FTCDNL1: variants seen among roughly 807,000 people sequenced by gnomAD.
The protein encoded by FTCDNL1 is formiminotransferase N-terminal subdomain-containing protein.
A neutral mutation model predicts 5.9 loss-of-function variants in FTCDNL1; 11 were observed. The observed-to-expected ratio is 1.87, with a 90% confidence interval of 1.18 to 3.10. FTCDNL1 has a LOEUF of 3.10. FTCDNL1 is among the 30% of genes most tolerant of loss of function. The probability of loss-of-function intolerance (pLI) is 0.00; values close to 1 mark genes in which losing one functional copy is unlikely to be tolerated. For synonymous variants in FTCDNL1, 58 were observed against 24.8 expected, an observed-to-expected ratio of 2.34 and a Z score of -3.99; for missense variants, 115 against 65.5, an observed-to-expected ratio of 1.76 and a Z score of -2.61.
the FTCDNL1 span, among the ~76,000 whole-genome samples, chr2:199,664,453 T>A: frequency 6.6e-6 from 1 of 152,182 alleles, no homozygotes; most frequent in Non-Finnish European, 1.5e-5. Flanking sequence ...CAGTACTACC[T>A]ACAGAGCTAA....
the FTCDNL1 span, among the ~76,000 whole-genome samples, chr2:199,727,212 G>A: frequency 6.6e-6 from 1 of 152,348 alleles, no homozygotes; most frequent in East Asian, 1.9e-4. Context: ...GTGCTGCACT[G>A]TAGGGAATTC....
rs903681942 is a variant in FTCDNL1, at chr2:199,809,604, A to T, written c.*3101T>A. Among the ~76,000 whole-genome samples the T allele has an allele frequency of 1.3e-5, 2 of 152,178 alleles. No individual in the cohort carries two copies. The highest frequency in any genetic ancestry group is 2.9e-5 in the Non-Finnish European group (2 of 68,040). The stretch of plus-strand genomic sequence containing the variant: ...TTCTTTTAGTATACAAAAAGGCTAC[A>T]AATTTTCTTTTCTTTCAAATAAAAT... On this transcript the variant is annotated 3_prime_UTR_variant, in exon 5 of 5. Coordinates refer to ENST00000420128, the MANE Select transcript of FTCDNL1 (RefSeq NM_001363886.2).
intron 4 of FTCDNL1, among the ~76,000 whole-genome samples, chr2:199,814,455 C>CA (rs1401541834): frequency 1.3e-5 from 2 of 152,196 alleles, no homozygotes; most frequent in Non-Finnish European, 2.9e-5. Flanking sequence ...CTCTGTGAGG[C>CA]ATTGTGAACC....
At chr2:199,801,611 C>T (rs1410492892) in intron 3 of FTCDNL1, among the ~76,000 whole-genome samples, 3 of 151,928 alleles carry the variant, frequency 2.0e-5, no homozygotes, top group African/African-American at 7.3e-5. Flanking sequence ...GCCAAGATCA[C>T]GCCACTGCAC....
downstream of FTCDNL1, among the ~76,000 whole-genome samples, chr2:199,807,992 C>T (rs939295021): frequency 1.3e-5 from 2 of 152,048 alleles, no homozygotes; most frequent in South Asian, 2.1e-4. Flanking sequence ...TGGTTTAGTA[C>T]CATCCTCTTG....
chr2:199,818,698 T>C (rs890220402), intron 4 of FTCDNL1: 3 of 152,066 alleles, frequency 2.0e-5, no homozygotes, highest in Admixed American at 6.6e-5. Context: ...TATGTGTAAA[T>C]GATTCTGCAG....
chr2:199,781,302 C>G (rs911382477), intron 3 of FTCDNL1, among the ~76,000 whole-genome samples: 3 of 152,184 alleles, frequency 2.0e-5, no homozygotes, highest in Non-Finnish European at 2.9e-5. Context: ...TATGAAGCAG[C>G]TCCTCAGGCT....
chr2:199,785,349 G>A (rs1224699208), intron 3 of FTCDNL1, among the ~76,000 whole-genome samples: 1 of 132,780 alleles, frequency 7.5e-6, no homozygotes, highest in East Asian at 2.6e-4. Flanking sequence ...CCGGGTTCAC[G>A]CCATTCTCCT....
In FTCDNL1 at chr2:199,811,280, G is replaced by A. The variant is rs1701022098; in HGVS notation, c.*1425C>T. On this transcript the variant is annotated 3_prime_UTR_variant, in exon 5 of 5. Transcript: ENST00000420128. ...AATTGGAATTTTTGTCAATCTTAATGTTGCCACTCTTTAACAGAAAACTTC... is the reference window on the plus strand; with the variant it reads ...AATTGGAATTTTTGTCAATCTTAATATTGCCACTCTTTAACAGAAAACTTC... 6.6e-6 allele frequency among the ~76,000 whole-genome samples: 1 copy of A among 152,116 alleles called. No homozygotes were observed.
At chr2:199,683,935 C>G in the FTCDNL1 span, among the ~76,000 whole-genome samples, 1 of 152,222 alleles carries the variant, frequency 6.6e-6, no homozygotes, top group Non-Finnish European at 1.5e-5. Context: ...CATTAATCGG[C>G]TGTCTGTTCT....
At chr2:199,764,146 A>T (rs1698399801) in intron 3 of FTCDNL1, among the ~76,000 whole-genome samples, 1 of 152,224 alleles carries the variant, frequency 6.6e-6, no homozygotes, top group Non-Finnish European at 1.5e-5. Flanking sequence ...CTGGCCTGGA[A>T]TATTTATTTA....
At chr2:199,671,515 C>T in the FTCDNL1 span, among the ~76,000 whole-genome samples, 32 of 152,014 alleles carry the variant, frequency 2.1e-4, no homozygotes, top group Admixed American at 3.3e-4. Context: ...ATATCCTGGA[C>T]GAGTCAAGTC....
chr2:199,721,528 A>G, the FTCDNL1 span, among the ~76,000 whole-genome samples: 6 of 152,166 alleles, frequency 3.9e-5, no homozygotes, highest in African/African-American at 1.2e-4. Context: ...TCTATCATTA[A>G]TGGGCATTTG....
In FTCDNL1 at chr2:199,809,532, T is replaced by C. The variant is rs937673177; in HGVS notation, c.*3173A>G. ...TGGGGAGCATCTGATACTAGAACAATATAAATACTAAGGATTTAATTAAAA... is the reference window on the plus strand; with the variant it reads ...TGGGGAGCATCTGATACTAGAACAACATAAATACTAAGGATTTAATTAAAA... On this transcript the variant is annotated 3_prime_UTR_variant, in exon 5 of 5. Coordinates refer to ENST00000420128, the MANE Select transcript of FTCDNL1 (RefSeq NM_001363886.2). Among the ~76,000 whole-genome samples the C allele has an allele frequency of 6.6e-6, 1 of 152,190 alleles. No homozygotes were observed. The highest frequency in any genetic ancestry group is 1.5e-5 in the Non-Finnish European group (1 of 68,044).
At chr2:199,816,046 T>C (rs570794783) in intron 4 of FTCDNL1, among the ~76,000 whole-genome samples, 2 of 152,236 alleles carry the variant, frequency 1.3e-5, no homozygotes, top group African/African-American at 4.8e-5. Flanking sequence ...TACTTCTTTC[T>C]GGATTATTTT....
At chr2:199,845,207 C>T (rs896944868) in intron 3 of FTCDNL1, among the ~76,000 whole-genome samples, 1 of 152,066 alleles carries the variant, frequency 6.6e-6, no homozygotes, top group African/African-American at 2.4e-5. Flanking sequence ...ATTAGTAATA[C>T]AGTATGACCA....
At chr2:199,731,052 A>G in the FTCDNL1 span, among the ~76,000 whole-genome samples, 2 of 152,242 alleles carry the variant, frequency 1.3e-5, no homozygotes, top group Admixed American at 6.5e-5. Context: ...AGGGACATGG[A>G]TGAAGCTGGA....
chr2:199,735,518 G>A, the FTCDNL1 span, among the ~76,000 whole-genome samples: 137 of 151,996 alleles, frequency 9.0e-4, no homozygotes, highest in East Asian at 2.5e-3. Flanking sequence ...AAATTAGTAC[G>A]GGGTCCTATT....
chr2:199,671,101 C>T, the FTCDNL1 span, among the ~76,000 whole-genome samples: 1 of 151,190 alleles, frequency 6.6e-6, no homozygotes, highest in Non-Finnish European at 1.5e-5. Context: ...GTACCTACTG[C>T]TTGGCTTGCC....
Sources: gnomAD v4.1 joint callset for allele counts (sites outside exome capture counted in the v4.1 genomes callset) on GRCh38, gnomAD v4.1.1 for gene constraint, MANE v1.5 for transcripts, NCBI Gene and HGNC (gene_info 2026-07-23, HGNC 2026-07-21) for gene names.